Variants in TTC38 observed in about 807,000 individuals in gnomAD.
The protein encoded by TTC38 is tetratricopeptide repeat domain 38, also known as tetratricopeptide repeat protein 38.
Under a neutral mutation model 64.2 loss-of-function variants are expected in TTC38, and 64 were observed. That is an observed-to-expected ratio of 1.00 (90% CI 0.81 to 1.23). TTC38 has a LOEUF of 1.23. Ranked by LOEUF, TTC38 falls within the 50% of genes most tolerant of loss-of-function variation. The probability of loss-of-function intolerance (pLI) is 0.00; values close to 1 mark genes in which losing one functional copy is unlikely to be tolerated. For missense variants in TTC38, 573 were observed against 615.5 expected (o/e 0.93, Z 0.73); for synonymous variants, 254 against 249.3 (o/e 1.02, Z -0.18).
chr22:46,273,971 G>C lies in TTC38; in HGVS notation c.267G>C (p.Leu89=). 6.2e-7 allele frequency: 1 copy of C among 1,614,262 alleles called. No individual in the cohort carries two copies. Among genetic ancestry groups the C allele is most frequent in the Non-Finnish European group, 8.5e-7 (1 of 1,180,042 alleles). The part of the protein sequence containing the change: ...TGSSVKLDKE[L]DLAVKTMVEI... ...GCTCCGTGAAGCTGGACAAAGAGCT[G>C]GACCTGGCTGTGAAGACAATGGTGG... Residue 89 remains leucine, a synonymous_variant, in exon 4 of 14, where the codon CTG becomes CTC. Coordinates refer to ENST00000381031, the MANE Select transcript of TTC38 (RefSeq NM_017931.4). The surrounding 1 kb of genome is among the most constrained non-coding windows in gnomAD (Gnocchi z 5.1).
chr22:46,281,478 C>G lies in TTC38; in HGVS notation c.616-121C>G, dbSNP rs922423945. ...GTGTTTTGAGTCAGAGCCCCGCCCC[C>G]CCACTTGCTCCACCCCGTTCAGCCC... On this transcript the variant is annotated intron_variant, in intron 6 of 13. Transcript: ENST00000381031. This position sits in a 1 kb window ranked among gnomAD's most constrained non-coding sequence, Gnocchi z 5.2. 27 of 1,101,264 alleles carry G rather than the reference C, an allele frequency of 2.5e-5. No individual in the cohort carries two copies. Among genetic ancestry groups the G allele is most frequent in the Middle Eastern group, 6.1e-4 (2 of 3,268 alleles). The allele number at this position is 1,101,264 out of a possible 1,614,324, so 68.2% of individuals were successfully genotyped here.
chr22:46,287,050 G>GATCCTTCCAGAT (rs2077576426), intron 9 of TTC38, 23 bp from the exon 10 acceptor site: 1 of 1,582,406 alleles, frequency 6.3e-7, no homozygotes, highest in East Asian at 2.3e-5. Flanking sequence ...CGCTGAGCCC[G>GATCCTTCCAGAT]CCTTGGCCGC....
In TTC38 at chr22:46,274,709, A is replaced by T. The variant is rs1173547788; in HGVS notation, c.366-539A>T. Among the ~76,000 whole-genome samples the T allele has an allele frequency of 6.7e-6, 1 of 149,678 alleles. No individual in the cohort carries two copies. The highest frequency in any genetic ancestry group is 1.9e-4 in the East Asian group (1 of 5,160). ...TGGCTGTCTCACGGTCTCCACTGGGATTATCTTTGGCAATTTGTTAAACCA... is the reference window on the plus strand; with the variant it reads ...TGGCTGTCTCACGGTCTCCACTGGGTTTATCTTTGGCAATTTGTTAAACCA... On this transcript the variant is annotated intron_variant, in intron 4 of 13. Transcript: ENST00000381031. The surrounding 1 kb of genome is among the most constrained non-coding windows in gnomAD (Gnocchi z 4.8).
At chr22:46,269,090 C>CG (rs1936833021) in intron 2 of TTC38, 3 of 336,240 alleles carry the variant, frequency 8.9e-6, no homozygotes, top group Non-Finnish European at 1.7e-5. Context: ...ATATCTCTGC[C>CG]CCCCCCCCAC....
At chr22:46,283,323 C>T (rs1057383906) in intron 7 of TTC38, among the ~76,000 whole-genome samples, 2 of 152,172 alleles carry the variant, frequency 1.3e-5, no homozygotes, top group African/African-American at 4.8e-5. Context: ...TCTGTTAATC[C>T]TTTTCTCAAC....
intron 12 of TTC38, 98 bp downstream of exon 12, chr22:46,289,659 A>G (rs1446284474): frequency 1.3e-6 from 2 of 1,493,786 alleles, no homozygotes; most frequent in African/African-American, 2.8e-5. Context: ...TGGTGCCAAC[A>G]ATGTGGGTGT....
In TTC38 at chr22:46,276,721, T is replaced by TATATATATTAAAAAA. The variant is rs934557627; in HGVS notation, c.539+1309_539+1323dup. On this transcript the variant is annotated intron_variant, in intron 5 of 13. Coordinates refer to ENST00000381031, the MANE Select transcript of TTC38 (RefSeq NM_017931.4). The surrounding 1 kb of genome is among the most constrained non-coding windows in gnomAD (Gnocchi z 4.7). Reference sequence around the variant, plus strand: ...TCTAAAAGAATATATATATTAAAAATATATATATTAAAAAAATATATATAA... The same window carrying TATATATATTAAAAAA: ...TCTAAAAGAATATATATATTAAAAATATATATATTAAAAAAATATATATTAAAAAAATATATATAA... 7.0e-6 allele frequency among the ~76,000 whole-genome samples: 1 copy of TATATATATTAAAAAA among 142,516 alleles called. No individual in the cohort carries two copies. The highest frequency in any genetic ancestry group is 7.2e-5 in the Admixed American group (1 of 13,962). The allele number at this position is 142,516 out of a possible 152,430, so 93.5% of individuals were successfully genotyped here. A position where few individuals can be genotyped will look rare whatever the true frequency, so the allele number is the denominator to read the frequency against.
rs1404517260 is a variant in TTC38, at chr22:46,273,220, C to G, written c.194-678C>G. On this transcript the variant is annotated intron_variant, in intron 3 of 13. Transcript: ENST00000381031. This position sits in a 1 kb window ranked among gnomAD's most constrained non-coding sequence, Gnocchi z 5.1. ...GCCCTGATCAGGGGGCTTCGACCACCTGAATCATCAGCTGGGCTGGGCTGG... is the reference window on the plus strand; with the variant it reads ...GCCCTGATCAGGGGGCTTCGACCACGTGAATCATCAGCTGGGCTGGGCTGG... 2.0e-5 allele frequency among the ~76,000 whole-genome samples: 3 copies of G among 152,214 alleles called. No homozygotes were observed. Among genetic ancestry groups the G allele is most frequent in the Admixed American group, 2.0e-4 (3 of 15,282 alleles).
intron 10 of TTC38, 22 bp downstream of exon 10, chr22:46,287,176 C>G: frequency 6.3e-7 from 1 of 1,583,014 alleles, no homozygotes; most frequent in Non-Finnish European, 8.6e-7. Flanking sequence ...TGCAGCCCCA[C>G]TGGCTTCTGC....
chr22:46,278,497 T>G lies in TTC38; in HGVS notation c.540-89T>G, dbSNP rs1349898472. On this transcript the variant is annotated intron_variant, in intron 5 of 13. Coordinates refer to ENST00000381031, the MANE Select transcript of TTC38 (RefSeq NM_017931.4). Reference sequence around the variant, plus strand: ...AGGTCACATTCCCAGTGCTGGCAGTTAGGACCTCAGTGTATCTTTGCGGGG... The same window carrying G: ...AGGTCACATTCCCAGTGCTGGCAGTGAGGACCTCAGTGTATCTTTGCGGGG... 5.7e-5 allele frequency: 63 copies of G among 1,111,812 alleles called. No individual in the cohort carries two copies. The South Asian group carries it at 7.3e-4, about 13-fold the overall frequency. The allele number at this position is 1,111,812 out of a possible 1,614,324, so 68.9% of individuals were successfully genotyped here.
At position 46,282,626 on chromosome 22, in the gene TTC38, C is replaced by T. The variant is rs1239460476; in HGVS notation, c.735+908C>T. Among the ~76,000 whole-genome samples, 1 of 152,202 alleles carries T rather than the reference C, an allele frequency of 6.6e-6. No individual in the cohort carries two copies. Among genetic ancestry groups the T allele is most frequent in the Non-Finnish European group, 1.5e-5 (1 of 68,032 alleles). On this transcript the variant is annotated intron_variant, in intron 7 of 13. Coordinates refer to ENST00000381031, the MANE Select transcript of TTC38 (RefSeq NM_017931.4). The surrounding 1 kb of genome is among the most constrained non-coding windows in gnomAD (Gnocchi z 4.4). The stretch of plus-strand genomic sequence containing the variant: ...GCCTTGCTGCGGAGGATCCTCGGGC[C>T]TCCAGATTCGGCTCTGTCAAGGGGG...
rs1383234110 is a variant in TTC38 at position 46,276,301 on chromosome 22, G to C, written c.539+880G>C. 1.3e-5 allele frequency among the ~76,000 whole-genome samples: 2 copies of C among 152,102 alleles called. No homozygotes were observed. Among genetic ancestry groups the C allele is most frequent in the Non-Finnish European group, 2.9e-5 (2 of 68,016 alleles). ...TCTGCAGGCAGAATTTCTTCTTCTA[G>C]GGGCCTCCGTCTTTCTCTTAAGGCC... On this transcript the variant is annotated intron_variant, in intron 5 of 13. Coordinates refer to ENST00000381031, the MANE Select transcript of TTC38 (RefSeq NM_017931.4). The surrounding 1 kb of genome is among the most constrained non-coding windows in gnomAD (Gnocchi z 4.7).
In TTC38 at chr22:46,282,796, T is replaced by A. The variant is rs1025442860; in HGVS notation, c.735+1078T>A. On this transcript the variant is annotated intron_variant, in intron 7 of 13. Coordinates refer to ENST00000381031, the MANE Select transcript of TTC38 (RefSeq NM_017931.4). The surrounding 1 kb of genome is among the most constrained non-coding windows in gnomAD (Gnocchi z 4.4). ...GGGCCAGCTCTGAGCCCAGCACAGG[T>A]CCTACTTTAACACTGCTTCATACTG... 2.1e-4 allele frequency among the ~76,000 whole-genome samples: 32 copies of A among 152,250 alleles called. No individual in the cohort carries two copies. The highest frequency in any genetic ancestry group is 7.7e-4 in the African/African-American group (32 of 41,552).
chr22:46,281,173 T>G lies in TTC38; in HGVS notation c.616-426T>G, dbSNP rs1440528913. Among the ~76,000 whole-genome samples the G allele has an allele frequency of 6.6e-6, 1 of 152,228 alleles. No homozygotes were observed. Among genetic ancestry groups the G allele is most frequent in the Non-Finnish European group, 1.5e-5 (1 of 68,038 alleles). ...CTTGATAGTTCACACCACGTTCACA[T>G]GGGCAGTAACCACTTCTCTAAGAGA... is the stretch of plus-strand genomic sequence containing the variant. On this transcript the variant is annotated intron_variant, in intron 6 of 13. Transcript: ENST00000381031. The surrounding 1 kb of genome is among the most constrained non-coding windows in gnomAD (Gnocchi z 5.2).
chr22:46,280,855 T>C lies in TTC38; in HGVS notation c.616-744T>C, dbSNP rs570252752. Among the ~76,000 whole-genome samples the C allele has an allele frequency of 3.3e-5, 5 of 152,342 alleles. No homozygotes were observed. In the South Asian group the frequency reaches 1.0e-3, roughly 32 times the overall value. ...GGGGACCTGGGCACAGGCCAGGCAA[T>C]GGGGCTTCTGTGAGCCTCAGTTTAC... On this transcript the variant is annotated intron_variant, in intron 6 of 13. Transcript: ENST00000381031.
At chr22:46,279,640 G>C (rs1487572248) in intron 6 of TTC38, among the ~76,000 whole-genome samples, 1 of 152,220 alleles carries the variant, frequency 6.6e-6, no homozygotes, top group African/African-American at 2.4e-5. Flanking sequence ...GGGGCCCAAG[G>C]GTCGCTGCGC....
Position 46,283,059 on chromosome 22 carries a change from G to A in TTC38, c.736-914G>A, listed in dbSNP as rs996135172. Among the ~76,000 whole-genome samples the A allele has an allele frequency of 6.6e-5, 10 of 152,122 alleles. No individual in the cohort carries two copies. In the South Asian group the frequency reaches 1.7e-3, roughly 25 times the overall value. ...TCCTTCCACCTCGGCCTCCCAAATA[G>A]CAGGGACTACTGGTGCGTGCCACCA... On this transcript the variant is annotated intron_variant, in intron 7 of 13. Coordinates refer to ENST00000381031, the MANE Select transcript of TTC38 (RefSeq NM_017931.4).
intron 5 of TTC38, 146 bp from the exon 6 acceptor site, chr22:46,278,440 T>C: frequency 2.9e-6 from 2 of 679,202 alleles, no homozygotes; most frequent in Middle Eastern, 4.8e-4. Flanking sequence ...CCTCTAAACT[T>C]ATTACCTCTG....
intron 12 of TTC38, 122 bp downstream of exon 12, chr22:46,289,683 A>C: frequency 6.9e-7 from 1 of 1,456,918 alleles, no homozygotes; most frequent in South Asian, 1.2e-5. Flanking sequence ...CGTGTCTCTC[A>C]CACTCCCGCC....
Sources: allele counts gnomAD v4.1 joint callset (sites outside exome capture counted in the v4.1 genomes callset), GRCh38; gene constraint gnomAD v4.1.1; non-coding constraint Gnocchi (gnomAD v3.1); transcripts MANE v1.5; gene names NCBI Gene and HGNC (gene_info 2026-07-23, HGNC 2026-07-21).